The following SULF1 variants were observed in gnomAD, a reference collection of about 807,000 sequenced individuals.
SULF1 encodes the protein sulfatase 1.
In SULF1, 46 loss-of-function variants were observed where a neutral mutation model predicts 110.5. The observed-to-expected ratio is 0.42, with a 90% CI of 0.33 to 0.53. The LOEUF is 0.53. Ranked by LOEUF, SULF1 falls within the 20% of genes least tolerant of loss-of-function variation. The pLI, the probability that SULF1 is intolerant of heterozygous loss-of-function variation, is 0.12. For synonymous variants in SULF1, 371 were observed against 387.1 expected (o/e 0.96, Z 0.49); for missense variants, 941 against 1,094.2 (o/e 0.86, Z 1.98).
chr8:69,572,345 C>G (rs1468942431), intron 5 of SULF1, among the ~76,000 whole-genome samples: 3 of 152,156 alleles, frequency 2.0e-5, no homozygotes, highest in Non-Finnish European at 2.9e-5. Context: ...CCTTCTGCAC[C>G]TCCATTTCAT....
chr8:69,480,003 GA>G (rs981024288), intron 1 of SULF1, among the ~76,000 whole-genome samples: 24 of 151,582 alleles, frequency 1.6e-4, no homozygotes, highest in African/African-American at 5.8e-4. Flanking sequence ...ACAAATACAA[GA>G]AAAAGCTTTT....
chr8:69,589,392 G>C (rs535051642), intron 8 of SULF1, among the ~76,000 whole-genome samples: 1 of 152,214 alleles, frequency 6.6e-6, no homozygotes, highest in African/African-American at 2.4e-5. Context: ...AGGAAGAGAT[G>C]CACATAGAGT....
At chr8:69,590,937 C>A (rs906103210) in intron 8 of SULF1, among the ~76,000 whole-genome samples, 1 of 152,110 alleles carries the variant, frequency 6.6e-6, no homozygotes, top group African/African-American at 2.4e-5. Flanking sequence ...ACCCCTGAAC[C>A]CCCCTGTTCC....
intron 3 of SULF1, among the ~76,000 whole-genome samples, chr8:69,530,681 A>G (rs1813021124): frequency 6.6e-6 from 1 of 152,188 alleles, no homozygotes; most frequent in Non-Finnish European, 1.5e-5. Context: ...ACCTCTTTCC[A>G]GAGTTCAGTC....
intron 22 of SULF1, among the ~76,000 whole-genome samples, chr8:69,641,505 G>A (rs1189749438): frequency 3.9e-5 from 6 of 152,220 alleles, no homozygotes; most frequent in African/African-American, 1.4e-4. Context: ...TAGCACTATG[G>A]GAGCCCAAGC....
At chr8:69,528,475 T>C (rs72658243) in intron 3 of SULF1, among the ~76,000 whole-genome samples, 18,811 of 152,216 alleles carry the variant, frequency 0.12, 1,280 homozygotes, top group African/African-American at 0.19. Context: ...CGACTTAGTA[T>C]TGTGCTTTGT....
intron 3 of SULF1, among the ~76,000 whole-genome samples, chr8:69,535,443 G>A (rs1586332598): frequency 6.6e-6 from 1 of 152,140 alleles, no homozygotes; most frequent in South Asian, 2.1e-4. Flanking sequence ...CTCTATGGGA[G>A]AGAGGAGGAG....
At chr8:69,566,059 C>T (rs1321119520) in intron 5 of SULF1, among the ~76,000 whole-genome samples, 25 of 152,016 alleles carry the variant, frequency 1.6e-4, no homozygotes, top group Admixed American at 1.6e-3. Context: ...TCCTTTGCAC[C>T]CCGAGAACAC....
At chr8:69,475,469 G>C (rs956079208) in intron 1 of SULF1, among the ~76,000 whole-genome samples, 1 of 152,052 alleles carries the variant, frequency 6.6e-6, no homozygotes, top group African/African-American at 2.4e-5. Flanking sequence ...GGAAAGGATG[G>C]GTGTAAGAAA....
intron 3 of SULF1, among the ~76,000 whole-genome samples, chr8:69,507,771 G>A (rs79973714): frequency 0.019 from 2,873 of 152,178 alleles, 88 homozygotes; most frequent in African/African-American, 0.066. Context: ...TCAGGTGTAC[G>A]AACATATTGA....
At chr8:69,631,801 T>C (rs115890449) in intron 19 of SULF1, among the ~76,000 whole-genome samples, 2,616 of 152,316 alleles carry the variant, frequency 0.017, 65 homozygotes, top group African/African-American at 0.06. Context: ...CAGACCTCAA[T>C]TGCGGTGTCA....
At chr8:69,633,267 T>C (rs955667601) in intron 19 of SULF1, among the ~76,000 whole-genome samples, 1 of 151,794 alleles carries the variant, frequency 6.6e-6, no homozygotes, top group Non-Finnish European at 1.5e-5. Context: ...GAAACATGAC[T>C]CAGAAAGATT....
In SULF1 at chr8:69,586,362, T is replaced by C; in HGVS notation, c.418T>C (p.Phe140Leu). ...ATTCTTTTTTCCCACTGCAGCCTTT[T>C]TTGGAAAATACCTCAATGAATATAA... ...LNNTGYRTAF[F>L]GKYLNEYNGS... Residue 140 changes from phenylalanine (F) to leucine (L), a missense_variant, in exon 7 of 23, where the codon TTT becomes CTT. Transcript: ENST00000402687. The C allele has an allele frequency of 6.4e-7, 1 of 1,557,326 alleles. No individual in the cohort carries two copies. Among genetic ancestry groups the C allele is most frequent in the Non-Finnish European group, 8.6e-7 (1 of 1,156,634 alleles).
At chr8:69,603,351 C>G in intron 11 of SULF1, 31 bp downstream of exon 11, 1 of 1,613,420 alleles carries the variant, frequency 6.2e-7, no homozygotes, top group Non-Finnish European at 8.5e-7. Flanking sequence ...TCAGCCAGCC[C>G]CAAATACACT....
chr8:69,520,113 AC>A, intron 3 of SULF1, among the ~76,000 whole-genome samples: 1 of 28,360 alleles, frequency 3.5e-5, no homozygotes, highest in African/African-American at 2.9e-4. Context: ...AATTCCAGTT[AC>A]ACACACACAC....
Position 69,646,117 on chromosome 8 carries a change from A to G in SULF1, c.2585+5276A>G, listed in dbSNP as rs79895466. On this transcript the variant is annotated intron_variant, in intron 22 of 22. Transcript: ENST00000402687. ...CGAAAAATGTGGTCACCCTAGTTAC[A>G]TGCTACATCAAAGGATGTAATCCCT... Among the ~76,000 whole-genome samples, 1,442 of 151,868 alleles carry G rather than the reference A, an allele frequency of 9.5e-3. 21 individuals carry two copies. The highest frequency in any genetic ancestry group is 0.034 in the African/African-American group (1,384 of 41,110).
chr8:69,599,949 A>T (rs1194997070), intron 8 of SULF1, among the ~76,000 whole-genome samples: 1 of 152,220 alleles, frequency 6.6e-6, no homozygotes, highest in Non-Finnish European at 1.5e-5. Flanking sequence ...TGTGGCTTAC[A>T]GAAATTATTC....
At chr8:69,621,003 T>C (rs766377795) in intron 13 of SULF1, 32 bp from the exon 14 acceptor site, 1 of 1,558,896 alleles carries the variant, frequency 6.4e-7, no homozygotes, top group Non-Finnish European at 8.7e-7. Flanking sequence ...TGGAGCAGAA[T>C]CGGTAAACTG....
chr8:69,623,876 G>A, intron 14 of SULF1, 66 bp from the exon 15 acceptor site: 6 of 1,547,486 alleles, frequency 3.9e-6, no homozygotes, highest in Non-Finnish European at 5.3e-6. Context: ...TGGACCAGGT[G>A]ATCACTTTCT....
Sources: gnomAD v4.1 joint callset for allele counts (sites outside exome capture counted in the v4.1 genomes callset) on GRCh38, gnomAD v4.1.1 for gene constraint, MANE v1.5 for transcripts, NCBI Gene and HGNC (gene_info 2026-07-23, HGNC 2026-07-21) for gene names.